The following FAM111A variants were observed in gnomAD, a reference collection of about 807,000 sequenced individuals.
FAM111A encodes FAM111 trypsin like peptidase A.
FAM111A carries 8 observed loss-of-function variants against 3.3 expected under a neutral mutation model. The observed-to-expected ratio is 2.39, with a 90% CI of 1.40 to 4.32. The LOEUF (loss-of-function observed/expected upper bound fraction) is 4.32. Ranked by LOEUF, FAM111A falls within the 30% of genes most tolerant of loss-of-function variation. The pLI is 0.00. For missense variants in FAM111A, 683 were observed against 727.6 expected (o/e 0.94, Z 0.71); for synonymous variants, 227 against 243.1 (o/e 0.93, Z 0.62).
chr11:59,149,022 C>T, intron 5 of FAM111A, 69 bp downstream of exon 5: 1 of 1,152,788 alleles, frequency 8.7e-7, no homozygotes. Flanking sequence ...TGTTCCAGGA[C>T]CTCTCTTGGA....
chr11:59,151,756 A>G lies in FAM111A; in HGVS notation c.88A>G (p.Lys30Glu), dbSNP rs755932873. The change falls in exon 6 of 6, where the codon AAA becomes GAA. Residue 30 changes from lysine (K) to glutamate (E), a missense_variant. Lys to Glu is a moderately conservative substitution (Grantham distance 56). This residue lies in a region of FAM111A where 557 missense variants were observed against 600.2 expected (regional missense o/e 0.93). Coordinates refer to ENST00000675163, the MANE Select transcript of FAM111A (RefSeq NM_001312909.2). ...ATCTAACATTTATTTTTAGGTCTCTAAAGAGCAACAGAATAATTGCAGTAC... is the reference window on the plus strand; with the variant it reads ...ATCTAACATTTATTTTTAGGTCTCTGAAGAGCAACAGAATAATTGCAGTAC... ...KIEHYFSPVS[K>E]EQQNNCSTSL... The G allele has an allele frequency of 1.3e-6, 2 of 1,579,710 alleles. No individual in the cohort carries two copies. Among genetic ancestry groups the G allele is most frequent in the East Asian group, 4.5e-5 (2 of 44,718 alleles).
Position 59,148,954 on chromosome 11 carries a change from G to C in FAM111A, c.81+1G>C. On this transcript the variant is annotated splice_donor_variant, in intron 5 of 5. Coordinates refer to ENST00000675163, the MANE Select transcript of FAM111A (RefSeq NM_001312909.2). LOFTEE classifies it high-confidence loss of function. The stretch of plus-strand genomic sequence containing the variant: ...GAAAATCGAGCACTATTTTTCTCCG[G>C]TATGTCTGTAAATTCTACTTATGTA... 1 of 1,604,620 alleles carries C rather than the reference G, an allele frequency of 6.2e-7. No individual in the cohort carries two copies. Among genetic ancestry groups the C allele is most frequent in the African/African-American group, 1.3e-5 (1 of 74,836 alleles).
chr11:59,152,523 G>A lies in FAM111A; in HGVS notation c.855G>A (p.Glu285=), dbSNP rs1164687171. The A allele has an allele frequency of 1.9e-6, 3 of 1,613,952 alleles. No individual in the cohort carries two copies. Among genetic ancestry groups the A allele is most frequent in the African/African-American group, 1.3e-5 (1 of 74,910 alleles). ...SAAASQNPES[E]KRNTCVLREQ... ...CAGCTTCTCAGAATCCTGAGTCAGA[G>A]AAAAGAAACACCTGTGTGTTGAGAG... is the stretch of plus-strand genomic sequence containing the variant. Residue 285 remains glutamate (E), a synonymous_variant, in exon 6 of 6, where the codon GAG becomes GAA. Coordinates refer to ENST00000675163, the MANE Select transcript of FAM111A (RefSeq NM_001312909.2).
At chr11:59,148,615 A>G (rs1452159489) in intron 4 of FAM111A, 182 bp from the exon 5 acceptor site, 1 of 423,028 alleles carries the variant, frequency 2.4e-6, no homozygotes, top group Non-Finnish European at 4.2e-6. Context: ...TATAATTTTC[A>G]TGAAGTGCCT....
At chr11:59,150,519 A>T (rs981936023) in intron 5 of FAM111A, among the ~76,000 whole-genome samples, 3 of 152,158 alleles carry the variant, frequency 2.0e-5, no homozygotes, top group Non-Finnish European at 4.4e-5. Flanking sequence ...CTTGGGAAAA[A>T]TGTGTTTTTT....
At chr11:59,150,832 T>C (rs887886287) in intron 5 of FAM111A, among the ~76,000 whole-genome samples, 1 of 138,686 alleles carries the variant, frequency 7.2e-6, no homozygotes, top group Non-Finnish European at 1.5e-5. Flanking sequence ...GATAGATAAG[T>C]CATGTTTGTT....
chr11:59,150,951 C>T (rs1166292831), intron 5 of FAM111A, among the ~76,000 whole-genome samples: 1 of 152,146 alleles, frequency 6.6e-6, no homozygotes, highest in Non-Finnish European at 1.5e-5. Flanking sequence ...CAAATAACTA[C>T]ATTATAACCA....
chr11:59,148,890 G>T lies in FAM111A; in HGVS notation c.18G>T (p.Gln6His). The T allele has an allele frequency of 1.9e-6, 3 of 1,613,774 alleles. No individual in the cohort carries two copies. The South Asian group carries it at 3.3e-5, about 18-fold the overall frequency. Residue 6 changes from glutamine to histidine, a missense_variant, in exon 5 of 6, where the codon CAG (glutamine) becomes CAT (histidine). Physicochemically the swap from Gln to His is conservative, Grantham distance 24. Coordinates refer to ENST00000675163, the MANE Select transcript of FAM111A (RefSeq NM_001312909.2). Reference sequence around the variant, plus strand: ...AAGCCATCATGAGCTGTAAGAAGCAGAGGTCACGGAAGCACTCAGTCAATG... The same window carrying T: ...AAGCCATCATGAGCTGTAAGAAGCATAGGTCACGGAAGCACTCAGTCAATG... MSCKK[Q>H]RSRKHSVNEK... is the part of the protein sequence containing the mutation.
In FAM111A at chr11:59,153,171, T is replaced by C; in HGVS notation, c.1503T>C (p.Val501=). The C allele has an allele frequency of 6.2e-7, 1 of 1,614,178 alleles. No homozygotes were observed. Among genetic ancestry groups the C allele is most frequent in the African/African-American group, 1.3e-5 (1 of 75,042 alleles). Residue 501 remains valine, a synonymous_variant, in exon 6 of 6, where the codon GTT becomes GTC. Coordinates refer to ENST00000675163, the MANE Select transcript of FAM111A (RefSeq NM_001312909.2). ...GAGCAAAGAAATGTCAGGAACGTGT[T>C]CAGTCTAAAAAAGCAGAAAGTCCAG... ...GQRAKKCQER[V]QSKKAESPEY... is the part of the protein sequence containing the mutation.
At chr11:59,148,630 C>T (rs754062152) in intron 4 of FAM111A, 167 bp from the exon 5 acceptor site, 10 of 464,016 alleles carry the variant, frequency 2.2e-5, no homozygotes, top group Admixed American at 3.8e-5. Context: ...GTGCCTGACA[C>T]GCAGTGTTCT....
In FAM111A at chr11:59,152,611, A is replaced by C; in HGVS notation, c.943A>C (p.Lys315Gln). ...RESEKIIENF[K>Q]KKMKVKNGET... ...AAGTGAAAAAATCATTGAAAACTTC[A>C]AGAAAAAAATGAAAGTAAAAAATGG... is the stretch of plus-strand genomic sequence containing the variant. The change falls in exon 6 of 6, where the codon AAG (lysine) becomes CAG (glutamine). Residue 315 changes from lysine (K) to glutamine (Q), a missense_variant. By Grantham distance (53) the Lys-to-Gln change is moderately conservative. Coordinates refer to ENST00000675163, the MANE Select transcript of FAM111A (RefSeq NM_001312909.2). The C allele has an allele frequency of 6.2e-7, 1 of 1,613,754 alleles. No homozygotes were observed. Among genetic ancestry groups the C allele is most frequent in the Non-Finnish European group, 8.5e-7 (1 of 1,179,960 alleles).
At position 59,153,462 on chromosome 11, in the gene FAM111A, A is replaced by G. The variant is rs1356395322; in HGVS notation, c.1794A>G (p.Val598=). The G allele has an allele frequency of 1.2e-6, 2 of 1,612,460 alleles. No individual in the cohort carries two copies. Among genetic ancestry groups the G allele is most frequent in the African/African-American group, 2.7e-5 (2 of 74,968 alleles). ...RHKPWYEEVF[V]NQQDVEMMSD... is the part of the protein sequence containing the mutation. ...AACCATGGTATGAAGAAGTATTTGTAAATCAGCAGGATGTAGAAATGATGA... is the reference window on the plus strand; with the variant it reads ...AACCATGGTATGAAGAAGTATTTGTGAATCAGCAGGATGTAGAAATGATGA... The change falls in exon 6 of 6, where the codon GTA becomes GTG. Residue 598 remains valine (V), a synonymous_variant. Coordinates refer to ENST00000675163, the MANE Select transcript of FAM111A (RefSeq NM_001312909.2).
In FAM111A at chr11:59,143,304, G is replaced by C. The variant is rs986924661; in HGVS notation, c.-306G>C. On this transcript the variant is annotated splice_region_variant and 5_prime_UTR_variant, in exon 2 of 6. Coordinates refer to ENST00000675163, the MANE Select transcript of FAM111A (RefSeq NM_001312909.2). Reference sequence around the variant, plus strand: ...TTGGTGGGAACGGACCTTCCTCTTAGGTGAGTTACTCTTTGGTTCTGGGGC... The same window carrying C: ...TTGGTGGGAACGGACCTTCCTCTTACGTGAGTTACTCTTTGGTTCTGGGGC... 1.3e-5 allele frequency: 2 copies of C among 152,242 alleles called. No individual in the cohort carries two copies. The highest frequency in any genetic ancestry group is 1.3e-4 in the Admixed American group (2 of 15,286). 9.4% of individuals were successfully genotyped at this position (152,242 alleles called of 1,614,324 possible). A position where few individuals can be genotyped will look rare whatever the true frequency, so the allele number is the denominator to read the frequency against.
chr11:59,151,898 C>A lies in FAM111A; in HGVS notation c.230C>A (p.Thr77Lys), dbSNP rs756755396. The change falls in exon 6 of 6, where the codon ACA (threonine) becomes AAA (lysine). Residue 77 changes from threonine to lysine, a missense_variant. By Grantham distance (78) the Thr-to-Lys change is moderately conservative. Coordinates refer to ENST00000675163, the MANE Select transcript of FAM111A (RefSeq NM_001312909.2). ...GACCAGACCATGCCCCAAAATAGGA[C>A]AATATATGTTACCTTGAAGGTAAAC... ...PEDQTMPQNR[T>K]IYVTLKVNHR... is the part of the protein sequence containing the mutation. The A allele has an allele frequency of 1.2e-6, 2 of 1,613,996 alleles. No homozygotes were observed. Among genetic ancestry groups the A allele is most frequent in the Non-Finnish European group, 1.7e-6 (2 of 1,180,034 alleles).
At position 59,153,433 on chromosome 11, in the gene FAM111A, C is replaced by T; in HGVS notation, c.1765C>T (p.His589Tyr). The T allele has an allele frequency of 6.2e-7, 1 of 1,613,722 alleles. No individual in the cohort carries two copies. Among genetic ancestry groups the T allele is most frequent in the East Asian group, 2.2e-5 (1 of 44,894 alleles). ...ESILLDIKQR[H>Y]KPWYEEVFVN... is the part of the protein sequence containing the mutation. ...CATCCTCCTTGATATTAAGCAAAGA[C>T]ATAAACCATGGTATGAAGAAGTATT... Residue 589 changes from histidine to tyrosine, a missense_variant, in exon 6 of 6, where the codon CAT becomes TAT. By Grantham distance (83) the His-to-Tyr change is moderately conservative (BLOSUM62 2). This residue lies in a region of FAM111A where 122 missense variants were observed against 110.9 expected (regional missense o/e 1.10). Transcript: ENST00000675163.
At position 59,153,775 on chromosome 11, in the gene FAM111A, C is replaced by A. The variant is rs1862020794; in HGVS notation, c.*271C>A. Reference sequence around the variant, plus strand: ...GGAGTACAGTGGTGCGATCTCAGCTCACTGCAACTTCCACCTCCCAGGTTC... The same window carrying A: ...GGAGTACAGTGGTGCGATCTCAGCTAACTGCAACTTCCACCTCCCAGGTTC... On this transcript the variant is annotated 3_prime_UTR_variant, in exon 6 of 6. Coordinates refer to ENST00000675163, the MANE Select transcript of FAM111A (RefSeq NM_001312909.2). 4.4e-6 allele frequency: 1 copy of A among 229,500 alleles called. No homozygotes were observed. The highest frequency in any genetic ancestry group is 5.4e-5 in the Admixed American group (1 of 18,366). The allele number at this position is 229,500 out of a possible 1,614,324, so 14.2% of individuals were successfully genotyped here. A position where few individuals can be genotyped will look rare whatever the true frequency, so the allele number is the denominator to read the frequency against.
intron 3 of FAM111A, chr11:59,144,291 G>A (rs1226920458): frequency 6.6e-6 from 1 of 152,204 alleles, no homozygotes; most frequent in Non-Finnish European, 1.5e-5. Context: ...ACCTTCTTGA[G>A]GCTCTCCCTG....
Position 59,152,798 on chromosome 11 carries a change from G to T in FAM111A, c.1130G>T (p.Gly377Val). Residue 377 changes from glycine (G) to valine (V), a missense_variant, in exon 6 of 6, where the codon GGA becomes GTA. This residue lies in a region of FAM111A where 557 missense variants were observed against 600.2 expected (regional missense o/e 0.93). Coordinates refer to ENST00000675163, the MANE Select transcript of FAM111A (RefSeq NM_001312909.2). ...TACGCCACCTGCTTTGTTTTTAAAG[G>T]ATTGTTCATTTTAACTTGTCGGCAT... ...TGYATCFVFK[G>V]LFILTCRHVI... is the part of the protein sequence containing the mutation. 6.2e-7 allele frequency: 1 copy of T among 1,614,160 alleles called. No individual in the cohort carries two copies. Among genetic ancestry groups the T allele is most frequent in the Non-Finnish European group, 8.5e-7 (1 of 1,180,014 alleles).
At chr11:59,147,014 A>G (rs991079860) in intron 4 of FAM111A, among the ~76,000 whole-genome samples, 1 of 152,152 alleles carries the variant, frequency 6.6e-6, no homozygotes. Flanking sequence ...AACATAAATC[A>G]TCTAGTAAAA....
Sources: allele counts gnomAD v4.1 joint callset (sites outside exome capture counted in the v4.1 genomes callset), GRCh38; gene constraint gnomAD v4.1.1; regional missense constraint gnomAD v4.1.1; transcripts MANE v1.5; gene names NCBI Gene and HGNC (gene_info 2026-07-23, HGNC 2026-07-21).